PEAK3: variants seen among roughly 807,000 people sequenced by gnomAD.
PEAK3 encodes the protein PEAK family member 3, also known as protein PEAK3.
Under a neutral mutation model 13.3 loss-of-function variants are expected in PEAK3, and 15 were observed. The observed-to-expected ratio is 1.13, with a 90% confidence interval of 0.75 to 1.73. The LOEUF is 1.73. PEAK3 is among the 40% of genes most tolerant of loss of function. The pLI, the probability that PEAK3 is intolerant of heterozygous loss-of-function variation, is 0.00. For missense variants in PEAK3, 739 were observed against 690.2 expected (o/e 1.07, Z -0.79); for synonymous variants, 347 against 341.9 (o/e 1.01, Z -0.17).
rs957697697 is a variant in PEAK3 at position 2,274,920 on chromosome 19, C to T, written c.*760G>A. ...CCGGGAGGCGGAGCTTGCAGTAAGC[C>T]GAGATCGTCTCAAAAAAAAAAAAAA... On this transcript the variant is annotated 3_prime_UTR_variant, in exon 4 of 4. Transcript: ENST00000342063. 5 of 112,384 alleles carry T rather than the reference C, an allele frequency of 4.4e-5. No individual in the cohort carries two copies. The highest frequency in any genetic ancestry group is 3.1e-4 in the South Asian group (1 of 3,226). The allele number at this position is 112,384 out of a possible 1,614,324, so 7.0% of individuals were successfully genotyped here. A position where few individuals can be genotyped will look rare whatever the true frequency, so the allele number is the denominator to read the frequency against.
chr19:2,275,578 C>G lies in PEAK3; in HGVS notation c.*102G>C, dbSNP rs1599156767. 1 of 1,107,920 alleles carries G rather than the reference C, an allele frequency of 9.0e-7. No homozygotes were observed. The highest frequency in any genetic ancestry group is 1.2e-6 in the Non-Finnish European group (1 of 843,482). 68.6% of individuals were successfully genotyped at this position (1,107,920 alleles called of 1,614,324 possible). A position where few individuals can be genotyped will look rare whatever the true frequency, so the allele number is the denominator to read the frequency against. ...GCTCTCTCTGCTGCGCTCCTGGACT[C>G]TGCAGGAAGAGGGTGTCTTGGCTAT... On this transcript the variant is annotated 3_prime_UTR_variant, in exon 4 of 4. Coordinates refer to ENST00000342063, the MANE Select transcript of PEAK3 (RefSeq NM_198532.3).
In PEAK3 at chr19:2,276,465, G is replaced by A. The variant is rs1306160585; in HGVS notation, c.637C>T (p.Pro213Ser). 1 of 1,562,574 alleles carries A rather than the reference G, an allele frequency of 6.4e-7. No homozygotes were observed. The change falls in exon 4 of 4, where the codon CCC becomes TCC. Residue 213 changes from proline to serine, a missense_variant. Transcript: ENST00000342063. The part of the protein sequence containing the change: ...AKVPKPGADV[P>S]HPWGLELQAS... ...TGCAGCTCCAGGCCCCACGGGTGGG[G>A]CACGTCCGCCCCGGGCTTGGGCACC...
intron 2 of PEAK3, among the ~76,000 whole-genome samples, chr19:2,280,112 G>C (rs2025426597): frequency 7.3e-6 from 1 of 136,684 alleles, no homozygotes; most frequent in Non-Finnish European, 1.5e-5. Flanking sequence ...GCCCAGGCTG[G>C]AGTGCGGTGG....
chr19:2,279,219 T>C, intron 2 of PEAK3, 106 bp from the exon 3 acceptor site: 3 of 1,016,504 alleles, frequency 3.0e-6, no homozygotes, highest in East Asian at 3.0e-5. Context: ...ATGGAAGTAA[T>C]GAGGCTGGGC....
Position 2,278,794 on chromosome 19 carries a change from C to G in PEAK3, c.402G>C (p.Val134=). ...GCTGCCGCGCAGCCAGTGCAGTGTG[C>G]ACAGCCTCCGGGCTGTGCAGATCGC... The part of the protein sequence containing the change: ...SLRDLHSPEA[V]HTALAARQLQ... Residue 134 remains valine, a synonymous_variant, in exon 3 of 4, where the codon GTG becomes GTC. Transcript: ENST00000342063. 2.5e-6 allele frequency: 4 copies of G among 1,585,194 alleles called. No homozygotes were observed. Among genetic ancestry groups the G allele is most frequent in the Non-Finnish European group, 3.4e-6 (4 of 1,165,746 alleles).
Position 2,276,378 on chromosome 19 carries a change from G to C in PEAK3, c.724C>G (p.Leu242Val). The change falls in exon 4 of 4, where the codon CTG becomes GTG. Residue 242 changes from leucine (L) to valine (V), a missense_variant. Physicochemically the swap from Leu to Val is conservative, Grantham distance 32. Coordinates refer to ENST00000342063, the MANE Select transcript of PEAK3 (RefSeq NM_198532.3). ...GCGCCTCTCCAGGGCGCCCCGGGCAGTGTGCCTTCAGGCACCAGGCCACAC... is the reference window on the plus strand; with the variant it reads ...GCGCCTCTCCAGGGCGCCCCGGGCACTGTGCCTTCAGGCACCAGGCCACAC... ...GLCGLVPEGT[L>V]PGAPWRGAVA... 1 of 1,599,970 alleles carries C rather than the reference G, an allele frequency of 6.3e-7. No homozygotes were observed.
rs2025416568 is a variant in PEAK3 at position 2,278,882 on chromosome 19, G to A, written c.314C>T (p.Pro105Leu). Reference sequence around the variant, plus strand: ...GGTCAGCTCTGCAGGGAGACAGGCTGGTCCCACTGCAGCCTGGCTCTTGTC... The same window carrying A: ...GGTCAGCTCTGCAGGGAGACAGGCTAGTCCCACTGCAGCCTGGCTCTTGTC... ...SVDKSQAAVGPACLPAELTFG... is the reference protein window; with the variant it reads ...SVDKSQAAVGLACLPAELTFG... Residue 105 changes from proline (P) to leucine (L), a missense_variant, in exon 3 of 4, where the codon CCA (proline) becomes CTA (leucine). Physicochemically the swap from Pro to Leu is moderately conservative, Grantham distance 98. Transcript: ENST00000342063. 1 of 1,597,496 alleles carries A rather than the reference G, an allele frequency of 6.3e-7. No individual in the cohort carries two copies. Among genetic ancestry groups the A allele is most frequent in the African/African-American group, 1.3e-5 (1 of 74,810 alleles).
chr19:2,278,211 C>T (rs1025971105), intron 3 of PEAK3, among the ~76,000 whole-genome samples: 5 of 146,936 alleles, frequency 3.4e-5, no homozygotes, highest in African/African-American at 1.3e-4. Flanking sequence ...GTTGCCCAGG[C>T]TGGAGTGCAA....
rs547878608 is a variant in PEAK3 at position 2,278,857 on chromosome 19, G to A, written c.339C>T (p.Thr113=). ...CCAGTGGGGCGTCAGCCGGGCCAAA[G>A]GTCAGCTCTGCAGGGAGACAGGCTG... ...VGPACLPAEL[T]FGPADAPLGL... is the part of the protein sequence containing the mutation. Residue 113 remains threonine, a synonymous_variant, in exon 3 of 4, where the codon ACC becomes ACT. Transcript: ENST00000342063. 4 of 1,597,846 alleles carry A rather than the reference G, an allele frequency of 2.5e-6. No individual in the cohort carries two copies. The South Asian group carries it at 4.5e-5, about 18-fold the overall frequency.
chr19:2,280,500 A>G (rs2025429490), intron 2 of PEAK3, among the ~76,000 whole-genome samples: 1 of 150,972 alleles, frequency 6.6e-6, no homozygotes, highest in Admixed American at 6.6e-5. Flanking sequence ...TCTTGACACC[A>G]TGTCCATCTC....
chr19:2,280,544 C>G (rs2025429894), intron 2 of PEAK3, among the ~76,000 whole-genome samples: 1 of 149,820 alleles, frequency 6.7e-6, no homozygotes, highest in Non-Finnish European at 1.5e-5. Context: ...GGGGGCGGGT[C>G]TCATTATATT....
Position 2,280,950 on chromosome 19 carries a change from A to AACGG in PEAK3, c.-4-19_-4-16dup, listed in dbSNP as rs2025433856. On this transcript the variant is annotated splice_polypyrimidine_tract_variant and intron_variant, in intron 1 of 3. Coordinates refer to ENST00000342063, the MANE Select transcript of PEAK3 (RefSeq NM_198532.3). Reference sequence around the variant, plus strand: ...TGCTCATGTTGCTGGGGAAAGGTCAAACGGGGCGTGTGTGGGGTGACCGTG... The same window carrying AACGG: ...TGCTCATGTTGCTGGGGAAAGGTCAAACGGACGGGGCGTGTGTGGGGTGACCGTG... 3 of 1,519,772 alleles carry AACGG rather than the reference A, an allele frequency of 2.0e-6. No homozygotes were observed. Among genetic ancestry groups the AACGG allele is most frequent in the Non-Finnish European group, 2.7e-6 (3 of 1,123,354 alleles). 94.1% of individuals were successfully genotyped at this position (1,519,772 alleles called of 1,614,324 possible). A position where few individuals can be genotyped will look rare whatever the true frequency, so the allele number is the denominator to read the frequency against.
rs2025389969 is a variant in PEAK3, at chr19:2,276,371, C to G, written c.731G>C (p.Gly244Ala). 6.3e-7 allele frequency: 1 copy of G among 1,599,534 alleles called. No homozygotes were observed. The highest frequency in any genetic ancestry group is 8.5e-7 in the Non-Finnish European group (1 of 1,178,728). The change falls in exon 4 of 4, where the codon GGG becomes GCG. Residue 244 changes from glycine (G) to alanine (A), a missense_variant. Physicochemically the swap from Gly to Ala is moderately conservative, Grantham distance 60. Coordinates refer to ENST00000342063, the MANE Select transcript of PEAK3 (RefSeq NM_198532.3). ...CGCCACTGCGCCTCTCCAGGGCGCC[C>G]CGGGCAGTGTGCCTTCAGGCACCAG... Reference protein sequence around the residue: ...CGLVPEGTLPGAPWRGAVALA... With the variant: ...CGLVPEGTLPAAPWRGAVALA...
Position 2,275,906 on chromosome 19 carries a change from A to G in PEAK3, c.1196T>C (p.Leu399Pro). Residue 399 changes from leucine (L) to proline (P), a missense_variant, in exon 4 of 4, where the codon CTC (leucine) becomes CCC (proline). Transcript: ENST00000342063. The part of the protein sequence containing the change: ...SRTRGALQAL[L>P]WGPGPELRGR... Reference sequence around the variant, plus strand: ...GCGCAGCTCAGGCCCGGGCCCCCAGAGCAGCGCCTGCAGCGCGCCCCGCGT... The same window carrying G: ...GCGCAGCTCAGGCCCGGGCCCCCAGGGCAGCGCCTGCAGCGCGCCCCGCGT... The G allele has an allele frequency of 2.2e-6, 3 of 1,386,342 alleles. No homozygotes were observed. The highest frequency in any genetic ancestry group is 1.5e-5 in the African/African-American group (1 of 64,942). The allele number at this position is 1,386,342 out of a possible 1,614,324, so 85.9% of individuals were successfully genotyped here.
rs756365916 is a variant in PEAK3 at position 2,278,804 on chromosome 19, G to A, written c.392C>T (p.Pro131Leu). The A allele has an allele frequency of 3.0e-5, 48 of 1,590,850 alleles. No individual in the cohort carries two copies. Among genetic ancestry groups the A allele is most frequent in the African/African-American group, 8.0e-5 (6 of 74,556 alleles). The change falls in exon 3 of 4, where the codon CCG (proline) becomes CTG (leucine). Residue 131 changes from proline to leucine, a missense_variant. Pro to Leu is a moderately conservative substitution (Grantham distance 98, BLOSUM62 -3). Coordinates refer to ENST00000342063, the MANE Select transcript of PEAK3 (RefSeq NM_198532.3). ...LGLSLRDLHS[P>L]EAVHTALAAR... is the part of the protein sequence containing the mutation. ...AGCCAGTGCAGTGTGCACAGCCTCC[G>A]GGCTGTGCAGATCGCGGAGGGAGAG... is the stretch of plus-strand genomic sequence containing the variant.
At chr19:2,280,245 CAG>C (rs1003224211) in intron 2 of PEAK3, among the ~76,000 whole-genome samples, 7 of 151,210 alleles carry the variant, frequency 4.6e-5, no homozygotes, top group African/African-American at 1.5e-4. Flanking sequence ...GTATTTTTAG[CAG>C]AGACAGGTTT....
At position 2,274,931 on chromosome 19, in the gene PEAK3, C is replaced by CAAAAAAAAAAAAAA. The variant is rs59367985; in HGVS notation, c.*735_*748dup. ...AGCTTGCAGTAAGCCGAGATCGTCT[C>CAAAAAAAAAAAAAA]AAAAAAAAAAAAAAAAAAAAAAGAA... On this transcript the variant is annotated 3_prime_UTR_variant, in exon 4 of 4. Coordinates refer to ENST00000342063, the MANE Select transcript of PEAK3 (RefSeq NM_198532.3). 4.2e-4 allele frequency: 34 copies of CAAAAAAAAAAAAAA among 81,916 alleles called. No homozygotes were observed. Among genetic ancestry groups the CAAAAAAAAAAAAAA allele is most frequent in the South Asian group, 1.8e-3 (4 of 2,208 alleles). 5.1% of individuals were successfully genotyped at this position (81,916 alleles called of 1,614,324 possible).
intron 3 of PEAK3, among the ~76,000 whole-genome samples, 195 bp downstream of exon 3, chr19:2,278,389 G>A (rs925918839): frequency 8.2e-6 from 1 of 121,548 alleles, no homozygotes; most frequent in Non-Finnish European, 1.6e-5. Flanking sequence ...TTGAACTCCT[G>A]ACCTCAGCTG....
In PEAK3 at chr19:2,278,475, C is replaced by T. The variant is rs1424548777; in HGVS notation, c.612+109G>A. On this transcript the variant is annotated intron_variant, in intron 3 of 3. Coordinates refer to ENST00000342063, the MANE Select transcript of PEAK3 (RefSeq NM_198532.3). The stretch of plus-strand genomic sequence containing the variant: ...CGCGCCCGGCTCCAGTATTTCTTTA[C>T]AGCAGTGTGAGAACTGACTCACAGA... The T allele has an allele frequency of 7.3e-5, 90 of 1,238,062 alleles. No homozygotes were observed. In the East Asian group the frequency reaches 2.3e-3, roughly 32 times the overall value. The allele number at this position is 1,238,062 out of a possible 1,614,324, so 76.7% of individuals were successfully genotyped here. A position where few individuals can be genotyped will look rare whatever the true frequency, so the allele number is the denominator to read the frequency against.
Sources: allele counts gnomAD v4.1 joint callset (sites outside exome capture counted in the v4.1 genomes callset), GRCh38; gene constraint gnomAD v4.1.1; transcripts MANE v1.5; gene names NCBI Gene and HGNC (gene_info 2026-07-23, HGNC 2026-07-21).